Variants in MYLK observed in about 807,000 individuals in gnomAD.
The protein encoded by MYLK is myosin light chain kinase, also known as myosin light chain kinase, smooth muscle.
In MYLK, 106 loss-of-function variants were observed where a neutral mutation model predicts 203.4. The observed-to-expected ratio is 0.52, with a 90% CI of 0.45 to 0.61. The LOEUF (loss-of-function observed/expected upper bound fraction) is 0.61. Ranked by LOEUF, MYLK falls within the 20% of genes least tolerant of loss-of-function variation. MYLK has a pLI of 0.00. For synonymous variants in MYLK, 867 were observed against 959.5 expected (o/e 0.90, Z 1.78); for missense variants, 2,072 against 2,442.3 (o/e 0.85, Z 3.20).
At chr3:123,638,215 G>C (rs820464) in intron 28 of MYLK, 21 bp from the exon 29 acceptor site, 223,084 of 1,611,792 alleles carry the variant, frequency 0.14, 30,182 homozygotes, top group East Asian at 0.64. Flanking sequence ...GATGGAGAGG[G>C]ATAAATTGCC....
rs57445681 is a variant in MYLK, at chr3:123,670,034, C to CAAAAA, written c.3653-2852_3653-2848dup. On this transcript the variant is annotated intron_variant, in intron 20 of 33. Transcript: ENST00000360304. ...TGGGTGACAGAGCGAGACTCCATCT[C>CAAAAA]AAAAAAAAAAAAAAAAAAAAAAGCA... 7.0e-4 allele frequency among the ~76,000 whole-genome samples: 26 copies of CAAAAA among 36,960 alleles called. 2 individuals are homozygous for CAAAAA. The highest frequency in any genetic ancestry group is 0.014 in the Middle Eastern group (1 of 72). 24.2% of individuals were successfully genotyped at this position (36,960 alleles called of 152,430 possible).
At chr3:123,745,799 A>G (rs560137495) in intron 5 of MYLK, among the ~76,000 whole-genome samples, 5 of 152,208 alleles carry the variant, frequency 3.3e-5, no homozygotes, top group Non-Finnish European at 7.3e-5. Context: ...TGGAGCTTAC[A>G]GTTCTAGTGG....
intron 27 of MYLK, 120 bp downstream of exon 27, chr3:123,647,104 A>T: frequency 1.1e-6 from 1 of 906,006 alleles, no homozygotes; most frequent in Non-Finnish European, 1.8e-6. Flanking sequence ...CATCTTACAT[A>T]TCACACTCCT....
intron 8 of MYLK, 109 bp from the exon 9 acceptor site, chr3:123,735,525 T>G: frequency 3.2e-6 from 4 of 1,252,138 alleles, no homozygotes; most frequent in Non-Finnish European, 4.7e-6. Flanking sequence ...GCTGGCTCCT[T>G]CCAGCTTCCC....
chr3:123,679,545 G>A (rs935270738), intron 20 of MYLK, among the ~76,000 whole-genome samples: 3 of 151,936 alleles, frequency 2.0e-5, no homozygotes, highest in African/African-American at 7.3e-5. Flanking sequence ...GAGATTGGAG[G>A]GTGGGCCAGC....
chr3:123,684,825 G>A (rs1228555040), intron 19 of MYLK, among the ~76,000 whole-genome samples: 4 of 152,156 alleles, frequency 2.6e-5, no homozygotes, highest in African/African-American at 4.8e-5. Flanking sequence ...CGTGAGCCAC[G>A]GCACCCGGCC....
chr3:123,732,887 T>G lies in MYLK; in HGVS notation c.1516+9A>C. 6.2e-7 allele frequency: 1 copy of G among 1,613,156 alleles called. No homozygotes were observed. Among genetic ancestry groups the G allele is most frequent in the East Asian group, 2.2e-5 (1 of 44,870 alleles). ...GAGAATGCGGGGTGACCTGGAGAAG[T>G]GTACTCACTTTCCACTTGGAGGGTC... On this transcript the variant is annotated intron_variant, in intron 11 of 33. Transcript: ENST00000360304.
At chr3:123,781,505 G>A (rs2064297258) in intron 4 of MYLK, among the ~76,000 whole-genome samples, 1 of 152,190 alleles carries the variant, frequency 6.6e-6, no homozygotes, top group South Asian at 2.1e-4. Context: ...AAATGGGAGA[G>A]GGGGTAACTA....
intron 15 of MYLK, 146 bp downstream of exon 15, chr3:123,708,552 G>T: frequency 3.7e-6 from 3 of 817,022 alleles, no homozygotes; most frequent in South Asian, 1.7e-5. Flanking sequence ...CAGGGAGCTG[G>T]CCTCTGGGGC....
intron 4 of MYLK, among the ~76,000 whole-genome samples, chr3:123,778,110 A>C (rs1490332635): frequency 6.6e-6 from 1 of 152,150 alleles, no homozygotes; most frequent in African/African-American, 2.4e-5. Context: ...AATTTAATCT[A>C]TATGATGATG....
In MYLK at chr3:123,722,129, A is replaced by G. The variant is rs1483257886; in HGVS notation, c.1803T>C (p.His601=). The G allele has an allele frequency of 6.4e-7, 1 of 1,565,084 alleles. No individual in the cohort carries two copies. The highest frequency in any genetic ancestry group is 8.7e-7 in the Non-Finnish European group (1 of 1,154,732). The part of the protein sequence containing the change: ...QVSCSAWVTV[H]EKKSSRKSEY... ...ACCCAGGTGCCCAGAGGCTCCTACCATGGACGGTGACCCAGGCGCTGCAGG... is the reference window on the plus strand; with the variant it reads ...ACCCAGGTGCCCAGAGGCTCCTACCGTGGACGGTGACCCAGGCGCTGCAGG... Residue 601 remains histidine, a splice_region_variant and synonymous_variant, in exon 13 of 34, where the codon CAT becomes CAC. Transcript: ENST00000360304.
At chr3:123,734,254 G>GT in intron 9 of MYLK, 32 bp from the exon 10 acceptor site, 24 of 1,066,854 alleles carry the variant, frequency 2.2e-5, no homozygotes, top group East Asian at 3.1e-5. Context: ...GGTAGGGTGG[G>GT]TGAGGAGAGG....
In MYLK at chr3:123,649,197, G is replaced by GC; in HGVS notation, c.4289-4_4289-3insG. On this transcript the variant is annotated splice_polypyrimidine_tract_variant and splice_region_variant and intron_variant, in intron 24 of 33. Transcript: ENST00000360304. ...CACCTCCACTTCATCCTTCGGCTCTGGGGGGGGCACAAGGAAGGACAGAGA... is the reference window on the plus strand; with the variant it reads ...CACCTCCACTTCATCCTTCGGCTCTGCGGGGGGGCACAAGGAAGGACAGAGA... 8.2e-6 allele frequency: 13 copies of GC among 1,592,204 alleles called. No individual in the cohort carries two copies. The highest frequency in any genetic ancestry group is 1.1e-5 in the Non-Finnish European group (13 of 1,169,758).
intron 4 of MYLK, among the ~76,000 whole-genome samples, chr3:123,761,067 G>A (rs569111987): frequency 6.6e-6 from 1 of 152,198 alleles, no homozygotes; most frequent in East Asian, 1.9e-4. Flanking sequence ...TTTTTAGCCA[G>A]TCATGATTGG....
chr3:123,749,190 G>C (rs1488932541), intron 5 of MYLK, among the ~76,000 whole-genome samples: 1 of 151,690 alleles, frequency 6.6e-6, no homozygotes, highest in Non-Finnish European at 1.5e-5. Flanking sequence ...GAGGTAGGAG[G>C]ATCGCTTGAG....
At chr3:123,696,280 G>A (rs2108548787) in intron 18 of MYLK, among the ~76,000 whole-genome samples, 1 of 152,150 alleles carries the variant, frequency 6.6e-6, no homozygotes, top group East Asian at 1.9e-4. Context: ...AGGGGACAGT[G>A]CAAGAGTCTC....
intron 3 of MYLK, chr3:123,814,164 T>C: frequency 2.8e-6 from 1 of 352,364 alleles, no homozygotes; most frequent in Admixed American, 2.7e-5. Context: ...ATGGGCCCTG[T>C]TCCTGTGTCT....
At chr3:123,831,738 G>T (rs17302008) in intron 2 of MYLK, 68 bp from the exon 3 acceptor site, 2 of 237,538 alleles carry the variant, frequency 8.4e-6, no homozygotes, top group Admixed American at 9.6e-5. Context: ...ATGTGGGAGC[G>T]GCTGGGAGGA....
chr3:123,825,300 G>A (rs1426902413), intron 3 of MYLK, among the ~76,000 whole-genome samples: 2 of 152,178 alleles, frequency 1.3e-5, no homozygotes, highest in East Asian at 1.9e-4. Flanking sequence ...AAGTAGCAGG[G>A]CATGGAGATA....
Sources: allele counts gnomAD v4.1 joint callset (sites outside exome capture counted in the v4.1 genomes callset), GRCh38; gene constraint gnomAD v4.1.1; transcripts MANE v1.5; gene names NCBI Gene and HGNC (gene_info 2026-07-23, HGNC 2026-07-21).